Variants in THRB observed in about 807,000 individuals in gnomAD.
The protein encoded by THRB is nuclear receptor subfamily 1 group A member 2.
A neutral mutation model predicts 47.8 loss-of-function variants in THRB; 12 were observed. That is an observed-to-expected ratio of 0.25 (90% CI 0.16 to 0.41). The LOEUF (loss-of-function observed/expected upper bound fraction) is 0.41, where lower values mean the gene tolerates loss of function less well. THRB is among the 10% of genes least tolerant of loss of function. The pLI is 1.00. For synonymous variants in THRB, 218 were observed against 212.2 expected, an observed-to-expected ratio of 1.03 and a Z score of -0.24; for missense variants, 348 against 589.2, an observed-to-expected ratio of 0.59 and a Z score of 4.24.
At chr3:24,231,930 C>T (rs2048300261) in intron 3 of THRB, among the ~76,000 whole-genome samples, 1 of 152,106 alleles carries the variant, frequency 6.6e-6, no homozygotes, top group Non-Finnish European at 1.5e-5. Flanking sequence ...CAGCGAAGGG[C>T]TTTGTAGGTC....
chr3:24,311,785 G>A (rs896397136), intron 2 of THRB, among the ~76,000 whole-genome samples: 1 of 152,132 alleles, frequency 6.6e-6, no homozygotes, highest in African/African-American at 2.4e-5. Flanking sequence ...GAACAGCCTT[G>A]CAAATGGCCT....
chr3:24,122,618 G>A lies in THRB; in HGVS notation c.*266C>T. On this transcript the variant is annotated 3_prime_UTR_variant, in exon 11 of 11. Transcript: ENST00000646209. ...TGGGAGCTGGTGATGCTTGGTGCTG[G>A]TGAGTTAATGATTGTCCCCCACCCC... 1 of 499,624 alleles carries A rather than the reference G, an allele frequency of 2.0e-6. No homozygotes were observed. Among genetic ancestry groups the A allele is most frequent in the South Asian group, 2.1e-5 (1 of 48,342 alleles). 30.9% of individuals were successfully genotyped at this position (499,624 alleles called of 1,614,324 possible).
chr3:24,367,827 A>T (rs1189280362), intron 1 of THRB, among the ~76,000 whole-genome samples: 1 of 152,180 alleles, frequency 6.6e-6, no homozygotes, highest in African/African-American at 2.4e-5. Context: ...TAAAACACAA[A>T]GAGTAAGTGG....
chr3:24,320,204 C>A (rs1181449146), intron 2 of THRB, among the ~76,000 whole-genome samples: 1 of 152,142 alleles, frequency 6.6e-6, no homozygotes, highest in East Asian at 1.9e-4. Flanking sequence ...TGTGAGATTA[C>A]CCTAAGATGA....
intron 1 of THRB, among the ~76,000 whole-genome samples, chr3:24,421,630 C>G (rs1292200274): frequency 6.6e-6 from 1 of 151,858 alleles, no homozygotes; most frequent in Non-Finnish European, 1.5e-5. Context: ...TGCCAAGGCA[C>G]CCATGCCCAG....
chr3:24,266,173 G>A (rs981594029), intron 3 of THRB, among the ~76,000 whole-genome samples: 6 of 152,148 alleles, frequency 3.9e-5, no homozygotes, highest in African/African-American at 1.4e-4. Flanking sequence ...AGATCATAGA[G>A]TCTCTGCCCT....
chr3:24,426,047 A>G (rs1371456834), intron 1 of THRB, among the ~76,000 whole-genome samples: 1 of 151,912 alleles, frequency 6.6e-6, no homozygotes. Context: ...TGAAAATAAT[A>G]TAACTTACCT....
chr3:24,265,837 A>G (rs2052594863), intron 3 of THRB, among the ~76,000 whole-genome samples: 1 of 152,170 alleles, frequency 6.6e-6, no homozygotes, highest in Non-Finnish European at 1.5e-5. Context: ...GGGTACTGTT[A>G]GAGGAAAGAC....
intron 1 of THRB, among the ~76,000 whole-genome samples, chr3:24,466,517 A>G (rs929626401): frequency 2.6e-5 from 4 of 152,172 alleles, no homozygotes; most frequent in Non-Finnish European, 5.9e-5. Context: ...CGTGTTCAGT[A>G]TGCACACATT....
intron 5 of THRB, among the ~76,000 whole-genome samples, chr3:24,153,311 C>T (rs112747669): frequency 2.0e-5 from 3 of 152,158 alleles, no homozygotes; most frequent in Admixed American, 1.3e-4. Context: ...ACAGGCAGGA[C>T]TAAAACCCCA....
intron 3 of THRB, among the ~76,000 whole-genome samples, chr3:24,245,785 T>G (rs981171125): frequency 5.3e-5 from 8 of 152,060 alleles, no homozygotes; most frequent in African/African-American, 1.9e-4. Flanking sequence ...TGGTGGCACG[T>G]GCCTGTAATC....
rs1229392829 is a variant in THRB at position 24,117,215 on chromosome 3, C to T, written c.*5669G>A. 6.6e-6 allele frequency: 1 copy of T among 152,150 alleles called. No homozygotes were observed. Among genetic ancestry groups the T allele is most frequent in the African/African-American group, 2.4e-5 (1 of 41,436 alleles). 9.4% of individuals were successfully genotyped at this position (152,150 alleles called of 1,614,324 possible). ...CAAATAAAAACTTGGAGATGAGCTT[C>T]CTCTGTGTGAAGGAGAACCGCTTGC... On this transcript the variant is annotated 3_prime_UTR_variant, in exon 11 of 11. Transcript: ENST00000646209.
At chr3:24,334,583 G>A (rs2062122490) in intron 2 of THRB, among the ~76,000 whole-genome samples, 1 of 152,194 alleles carries the variant, frequency 6.6e-6, no homozygotes, top group South Asian at 2.1e-4. Context: ...CAGGCAATGA[G>A]CAATATGGTC....
intron 1 of THRB, among the ~76,000 whole-genome samples, chr3:24,489,281 C>A (rs773434475): frequency 6.6e-6 from 1 of 151,964 alleles, no homozygotes; most frequent in Non-Finnish European, 1.5e-5. Flanking sequence ...AACCACTATA[C>A]CAATATCATT....
chr3:24,276,247 T>C (rs73148337), intron 3 of THRB, among the ~76,000 whole-genome samples: 8,192 of 152,210 alleles, frequency 0.054, 709 homozygotes, highest in African/African-American at 0.18. Context: ...CATTGTACAA[T>C]TGGTTGACGT....
chr3:24,140,933 T>C (rs2035359918), intron 8 of THRB, among the ~76,000 whole-genome samples: 1 of 152,204 alleles, frequency 6.6e-6, no homozygotes, highest in Admixed American at 6.5e-5. Context: ...ATGCAGGGGT[T>C]ATCCCAGGCA....
At chr3:24,164,688 C>T (rs2039391278) in intron 5 of THRB, among the ~76,000 whole-genome samples, 1 of 152,166 alleles carries the variant, frequency 6.6e-6, no homozygotes, top group Non-Finnish European at 1.5e-5. Context: ...TATCTCACTT[C>T]AAACACCACA....
At chr3:24,480,365 C>G (rs1479213487) in intron 1 of THRB, among the ~76,000 whole-genome samples, 2 of 152,146 alleles carry the variant, frequency 1.3e-5, no homozygotes, top group African/African-American at 4.8e-5. Context: ...CCCCAAAGTC[C>G]CAGGCACAGA....
At chr3:24,393,520 A>G (rs1160182304) in intron 1 of THRB, among the ~76,000 whole-genome samples, 1 of 152,162 alleles carries the variant, frequency 6.6e-6, no homozygotes, top group Non-Finnish European at 1.5e-5. Context: ...AGGTCAGGGC[A>G]CAGACCAAGG....
Sources: gnomAD v4.1 joint callset for allele counts (sites outside exome capture counted in the v4.1 genomes callset) on GRCh38, gnomAD v4.1.1 for gene constraint, MANE v1.5 for transcripts, NCBI Gene and HGNC (gene_info 2026-07-23, HGNC 2026-07-21) for gene names.